Variants in CACNA1C observed in about 807,000 individuals in gnomAD.
CACNA1C encodes the protein voltage-dependent L-type calcium channel subunit alpha-1C.
CACNA1C carries 30 observed loss-of-function variants against 229.0 expected under a neutral mutation model. That is an observed-to-expected ratio of 0.13 (90% CI 0.10 to 0.18). The LOEUF (loss-of-function observed/expected upper bound fraction) is 0.18, where lower values mean the gene tolerates loss of function less well. CACNA1C is among the 10% of genes least tolerant of loss of function. The pLI is 1.00. For synonymous variants in CACNA1C, 1,114 were observed against 1,132.5 expected (o/e 0.98, Z 0.33); for missense variants, 1,658 against 2,845.0 (o/e 0.58, Z 9.49).
intron 3 of CACNA1C, among the ~76,000 whole-genome samples, chr12:2,165,150 A>G (rs975331235): frequency 4.6e-5 from 7 of 152,232 alleles, no homozygotes; most frequent in Non-Finnish European, 1.0e-4. Flanking sequence ...TTGACTCTCT[A>G]GAGTCTTAGG....
intron 1 of CACNA1C, among the ~76,000 whole-genome samples, chr12:2,083,769 A>C (rs1441465491): frequency 6.6e-6 from 1 of 152,192 alleles, no homozygotes; most frequent in Admixed American, 6.5e-5. Flanking sequence ...AGCTGTCAAT[A>C]AATACTGATG....
intron 3 of CACNA1C, among the ~76,000 whole-genome samples, chr12:2,309,460 T>A (rs1592333511): frequency 6.6e-6 from 1 of 151,754 alleles, no homozygotes; most frequent in African/African-American, 2.4e-5. Flanking sequence ...AGAAAGTAGA[T>A]CTTAAGGCCT....
At chr12:2,500,765 G>C (rs1243023776) in intron 7 of CACNA1C, among the ~76,000 whole-genome samples, 1 of 152,188 alleles carries the variant, frequency 6.6e-6, no homozygotes. Context: ...GTTTGGAGTA[G>C]GTCAGTACCA....
Position 2,348,154 on chromosome 12 carries a change from G to A in CACNA1C, c.478-100822G>A, listed in dbSNP as rs2097102460. 6.6e-6 allele frequency among the ~76,000 whole-genome samples: 1 copy of A among 152,222 alleles called. No individual in the cohort carries two copies. Among genetic ancestry groups the A allele is most frequent in the Admixed American group, 6.5e-5 (1 of 15,282 alleles). On this transcript the variant is annotated intron_variant, in intron 3 of 46. Transcript: ENST00000399655. The surrounding 1 kb of genome is among the most constrained non-coding windows in gnomAD (Gnocchi z 4.7). Reference sequence around the variant, plus strand: ...CCTGCTGCAGGAGTGGGAGCGTGGGGCTAGCTGCCAGTGGGATGGCCCCAG... The same window carrying A: ...CCTGCTGCAGGAGTGGGAGCGTGGGACTAGCTGCCAGTGGGATGGCCCCAG...
At chr12:2,014,941 G>A (rs757328294) in intron 1 of CACNA1C, among the ~76,000 whole-genome samples, 4 of 152,194 alleles carry the variant, frequency 2.6e-5, no homozygotes, top group South Asian at 2.1e-4. Flanking sequence ...TCCTGCTCAC[G>A]GACTGGCAGG....
chr12:2,098,636 A>T (rs1595791045), intron 1 of CACNA1C, among the ~76,000 whole-genome samples: 2 of 152,258 alleles, frequency 1.3e-5, no homozygotes, highest in South Asian at 4.1e-4. Flanking sequence ...GGAGAGATCC[A>T]TTAATATCTG....
intron 3 of CACNA1C, among the ~76,000 whole-genome samples, chr12:2,353,725 A>T (rs1026437185): frequency 2.0e-5 from 3 of 152,090 alleles, no homozygotes; most frequent in Admixed American, 2.0e-4. Flanking sequence ...AGGAGATTTG[A>T]AGGGGAGGCT....
chr12:2,457,512 G>T, intron 4 of CACNA1C, 55 bp from the exon 5 acceptor site: 1 of 1,572,386 alleles, frequency 6.4e-7, no homozygotes, highest in Non-Finnish European at 8.7e-7. Context: ...CAGAGCCCCA[G>T]CTGGGCAAAA....
At chr12:2,456,340 C>T (rs1014882216) in intron 4 of CACNA1C, among the ~76,000 whole-genome samples, 9 of 152,214 alleles carry the variant, frequency 5.9e-5, no homozygotes, top group African/African-American at 2.2e-4. Flanking sequence ...TCTCTGGCCT[C>T]GCCCCCGACA....
chr12:2,019,185 G>C (rs2045942029), intron 1 of CACNA1C, among the ~76,000 whole-genome samples: 1 of 152,076 alleles, frequency 6.6e-6, no homozygotes, highest in African/African-American at 2.4e-5. Context: ...TCTGGGGCTG[G>C]GTACAGTGGC....
intron 3 of CACNA1C, among the ~76,000 whole-genome samples, chr12:2,173,689 C>A (rs2096562367): frequency 6.6e-6 from 1 of 152,136 alleles, no homozygotes; most frequent in African/African-American, 2.4e-5. Flanking sequence ...AGCTCAAGCC[C>A]TACCCCCACC....
At chr12:2,442,869 T>C (rs1430454448) in intron 3 of CACNA1C, among the ~76,000 whole-genome samples, 1 of 152,068 alleles carries the variant, frequency 6.6e-6, no homozygotes, top group African/African-American at 2.4e-5. Flanking sequence ...CTCACTTATC[T>C]CCAAGGGGAT....
intron 8 of CACNA1C, among the ~76,000 whole-genome samples, chr12:2,511,040 A>G (rs1384854901): frequency 1.3e-5 from 2 of 152,190 alleles, no homozygotes; most frequent in Non-Finnish European, 2.9e-5. Flanking sequence ...TTTCCCTAGC[A>G]TAAAAGTCCT....
chr12:2,489,299 G>A (rs1049108590), intron 6 of CACNA1C, among the ~76,000 whole-genome samples: 2 of 152,038 alleles, frequency 1.3e-5, no homozygotes, highest in African/African-American at 2.4e-5. Context: ...TTCAAAATAC[G>A]TTTGATTTTG....
In CACNA1C at chr12:2,261,303, A is replaced by G. The variant is rs556204898; in HGVS notation, c.477+140873A>G. On this transcript the variant is annotated intron_variant, in intron 3 of 46. Transcript: ENST00000399655. ...ACATAAGCAATATTGTTTCTGAAAA[A>G]TAATTTTTTTGTAAAACAAAAAAAC... is the stretch of plus-strand genomic sequence containing the variant. Among the ~76,000 whole-genome samples the G allele has an allele frequency of 5.9e-5, 9 of 152,352 alleles. No individual in the cohort carries two copies. In the East Asian group the frequency reaches 1.7e-3, roughly 29 times the overall value.
intron 29 of CACNA1C, among the ~76,000 whole-genome samples, chr12:2,626,516 T>G (rs1007707180): frequency 3.3e-5 from 5 of 152,206 alleles, no homozygotes; most frequent in Admixed American, 2.6e-4. Context: ...TGCCTTCCCT[T>G]CTTCAGAGTG....
intron 34 of CACNA1C, among the ~76,000 whole-genome samples, chr12:2,664,033 C>T (rs1225922031): frequency 6.6e-6 from 1 of 152,212 alleles, no homozygotes. Flanking sequence ...AGCCACCGCG[C>T]CCGGCCAGAG....
Position 2,585,895 on chromosome 12 carries a change from G to A in CACNA1C, c.2521G>A (p.Glu841Lys). 1 of 1,595,698 alleles carries A rather than the reference G, an allele frequency of 6.3e-7. No homozygotes were observed. The change falls in exon 18 of 47, where the codon GAA (glutamate) becomes AAA (lysine). Residue 841 changes from glutamate to lysine, a missense_variant. Physicochemically the swap from Glu to Lys is moderately conservative, Grantham distance 56 (BLOSUM62 1). Coordinates refer to ENST00000399655, the MANE Select transcript of CACNA1C (RefSeq NM_000719.7). This position sits in a 1 kb window ranked among gnomAD's most constrained non-coding sequence, Gnocchi z 4.1. ...GGATAAGAGCCCCTACCCCAACCCA[G>A]AAACTACAGGTACCAGTCCCACTGC... ...NEDKSPYPNPETTGEEDEEEP... is the reference protein window; with the variant it reads ...NEDKSPYPNPKTTGEEDEEEP...
chr12:2,266,147 A>G lies in CACNA1C; in HGVS notation c.477+145717A>G, dbSNP rs1170103579. Among the ~76,000 whole-genome samples, 6 of 152,174 alleles carry G rather than the reference A, an allele frequency of 3.9e-5. 1 individual carries two copies. Among genetic ancestry groups the G allele is most frequent in the Non-Finnish European group, 8.8e-5 (6 of 68,026 alleles). The stretch of plus-strand genomic sequence containing the variant: ...GCCATGTGCCCATCATTGGGCAAAA[A>G]CACATTCTCCCTGCCCCAAAGCCCC... On this transcript the variant is annotated intron_variant, in intron 3 of 46. Transcript: ENST00000399655.
Sources: allele counts gnomAD v4.1 joint callset (sites outside exome capture counted in the v4.1 genomes callset), GRCh38; gene constraint gnomAD v4.1.1; non-coding constraint Gnocchi (gnomAD v3.1); transcripts MANE v1.5; gene names NCBI Gene and HGNC (gene_info 2026-07-23, HGNC 2026-07-21).